Variants in RNF130 observed in about 807,000 individuals in gnomAD.
RNF130 encodes E3 ubiquitin-protein ligase RNF130.
In RNF130, 21 loss-of-function variants were observed where a neutral mutation model predicts 44.6. The observed-to-expected ratio is 0.47, with a 90% CI of 0.33 to 0.68. The LOEUF (loss-of-function observed/expected upper bound fraction) is 0.68. Among genes scored for constraint, RNF130 ranks in the 30% least tolerant of loss-of-function variants. RNF130 has a pLI of 0.02. For synonymous variants in RNF130, 214 were observed against 210.4 expected (o/e 1.02, Z -0.15); for missense variants, 479 against 560.6 (o/e 0.85, Z 1.47).
intron 3 of RNF130, among the ~76,000 whole-genome samples, chr5:179,991,542 T>TC (rs1323406432): frequency 6.6e-6 from 1 of 152,212 alleles, no homozygotes; most frequent in Non-Finnish European, 1.5e-5. Context: ...TTGAAGTTTT[T>TC]CTTTTCTGTA....
chr5:180,028,110 C>T (rs1028816321), intron 2 of RNF130, among the ~76,000 whole-genome samples: 5 of 152,154 alleles, frequency 3.3e-5, no homozygotes, highest in Admixed American at 3.3e-4. Flanking sequence ...TGCTTTTCCC[C>T]ACCTCAGATC....
At chr5:180,024,243 CA>C (rs1306495259) in intron 2 of RNF130, among the ~76,000 whole-genome samples, 2 of 151,684 alleles carry the variant, frequency 1.3e-5, no homozygotes, top group African/African-American at 4.8e-5. Flanking sequence ...GATCCTAGAA[CA>C]GAAAAAAAAC....
At chr5:179,961,598 C>T (rs1389962674) in intron 8 of RNF130, among the ~76,000 whole-genome samples, 1 of 152,166 alleles carries the variant, frequency 6.6e-6, no homozygotes, top group Non-Finnish European at 1.5e-5. Flanking sequence ...CAATAATTCT[C>T]GAAAAGTGCC....
At chr5:179,998,135 G>GGCCT (rs1582174983) in intron 3 of RNF130, among the ~76,000 whole-genome samples, 1 of 152,178 alleles carries the variant, frequency 6.6e-6, no homozygotes. Flanking sequence ...CACTGTGCTT[G>GGCCT]GCCTGTTTTT....
At chr5:179,956,816 G>A (rs1034144989) in intron 8 of RNF130, among the ~76,000 whole-genome samples, 1 of 152,206 alleles carries the variant, frequency 6.6e-6, no homozygotes, top group Admixed American at 6.5e-5. Flanking sequence ...CCTGAGCTCT[G>A]GCGGGGCCAG....
At chr5:179,974,955 G>A (rs558392707) in intron 5 of RNF130, among the ~76,000 whole-genome samples, 48 of 152,368 alleles carry the variant, frequency 3.2e-4, no homozygotes, top group African/African-American at 8.4e-4. Flanking sequence ...ATGGTGAAGC[G>A]GTCCTCTGAG....
At chr5:179,978,018 G>T (rs1396833519) in intron 5 of RNF130, among the ~76,000 whole-genome samples, 185 bp downstream of exon 5, 2 of 152,208 alleles carry the variant, frequency 1.3e-5, no homozygotes, top group East Asian at 3.8e-4. Flanking sequence ...CGTGCAGCCC[G>T]CACCTGCTGA....
At chr5:179,943,180 G>A (rs544421419) in intron 7 of RNF130, among the ~76,000 whole-genome samples, 12 of 152,300 alleles carry the variant, frequency 7.9e-5, no homozygotes, top group Admixed American at 2.6e-4. Context: ...GGGACAGAGC[G>A]AGACACTGTC....
intron 7 of RNF130, among the ~76,000 whole-genome samples, chr5:179,946,691 C>G (rs1430592567): frequency 2.0e-5 from 3 of 152,046 alleles, no homozygotes; most frequent in Non-Finnish European, 4.4e-5. Context: ...GTAGCTGGGA[C>G]TACAGGCGCC....
chr5:179,960,533 G>A (rs1329282565), intron 8 of RNF130, among the ~76,000 whole-genome samples: 1 of 152,220 alleles, frequency 6.6e-6, no homozygotes, highest in Non-Finnish European at 1.5e-5. Context: ...TCCTCCTTGT[G>A]TAGTTAGCAA....
At chr5:179,931,971 G>A (rs982356524) in intron 7 of RNF130, among the ~76,000 whole-genome samples, 5 of 152,140 alleles carry the variant, frequency 3.3e-5, no homozygotes, top group African/African-American at 1.2e-4. Flanking sequence ...CTTTCTGAAG[G>A]AGCCAAGACA....
chr5:179,966,568 C>T (rs1313234429), intron 7 of RNF130, among the ~76,000 whole-genome samples: 2 of 152,220 alleles, frequency 1.3e-5, no homozygotes, highest in Non-Finnish European at 2.9e-5. Context: ...CTAAGACAGA[C>T]CTCTGAACAG....
At chr5:179,937,933 TGAGAGAGAGAGAGAGA>T (rs3078901) in intron 7 of RNF130, among the ~76,000 whole-genome samples, 2 of 116,224 alleles carry the variant, frequency 1.7e-5, no homozygotes, top group Non-Finnish European at 3.6e-5. Context: ...TGTGTGTGTG[TGAGAGAGAGAGAGAGA>T]GAGAGAGAGA....
chr5:180,071,043 T>A (rs1222462120), intron 1 of RNF130, among the ~76,000 whole-genome samples: 2 of 150,642 alleles, frequency 1.3e-5, no homozygotes, highest in Non-Finnish European at 1.5e-5. Context: ...AAGGGCCGCA[T>A]CCTTCCAGAT....
intron 4 of RNF130, among the ~76,000 whole-genome samples, chr5:179,978,965 G>A (rs1346538970): frequency 6.6e-6 from 1 of 152,176 alleles, no homozygotes; most frequent in African/African-American, 2.4e-5. Flanking sequence ...CAAGAAAACA[G>A]ACTATTTGCT....
Position 179,920,221 on chromosome 5 carries a change from C to CT in RNF130, c.*95_*96insA, listed in dbSNP as rs1761607699. 5 of 627,596 alleles carry CT rather than the reference C, an allele frequency of 8.0e-6. No homozygotes were observed. In the African/African-American group the frequency reaches 9.1e-5, roughly 11 times the overall value. The allele number at this position is 627,596 out of a possible 1,614,324, so 38.9% of individuals were successfully genotyped here. On this transcript the variant is annotated 3_prime_UTR_variant, in exon 8 of 8. Transcript: ENST00000522208. ...TGCTTGGAAAGTGCTGCCATTCTTC[C>CT]AAAACGGATGCTGACAGGAGAATAC...
chr5:179,966,050 A>G (rs1213775265), intron 7 of RNF130, among the ~76,000 whole-genome samples: 1 of 152,186 alleles, frequency 6.6e-6, no homozygotes, highest in Non-Finnish European at 1.5e-5. Flanking sequence ...TGAAAGGAAC[A>G]TGTAGAGAAT....
In RNF130 at chr5:180,007,347, G is replaced by C. The variant is rs577203149; in HGVS notation, c.693+5714C>G. On this transcript the variant is annotated intron_variant, in intron 3 of 8. Transcript: ENST00000521389. The stretch of plus-strand genomic sequence containing the variant: ...GCCGAGGAGGCAGAGGTTGCAGTGA[G>C]CCAAGATCGCGCCACTGCACTCCAG... Among the ~76,000 whole-genome samples, 8 of 152,318 alleles carry C rather than the reference G, an allele frequency of 5.3e-5. No homozygotes were observed. In the South Asian group the frequency reaches 8.3e-4, roughly 16 times the overall value.
intron 7 of RNF130, among the ~76,000 whole-genome samples, chr5:179,927,025 G>A (rs571987569): frequency 6.6e-6 from 1 of 152,324 alleles, no homozygotes; most frequent in South Asian, 2.1e-4. Context: ...GTTATGGGGT[G>A]AGAACAGAGG....
Sources: gnomAD v4.1 joint callset for allele counts (sites outside exome capture counted in the v4.1 genomes callset) on GRCh38, gnomAD v4.1.1 for gene constraint, MANE v1.5 for transcripts, NCBI Gene and HGNC (gene_info 2026-07-23, HGNC 2026-07-21) for gene names.